The following SEC14L5 variants were observed in gnomAD, a reference collection of about 807,000 sequenced individuals.
The protein encoded by SEC14L5 is SEC14 like lipid binding 5, also known as SEC14-like protein 5.
A neutral mutation model predicts 84.6 loss-of-function variants in SEC14L5; 96 were observed. The observed-to-expected ratio is 1.13, with a 90% confidence interval of 0.96 to 1.34. The LOEUF (loss-of-function observed/expected upper bound fraction) is 1.34. Among genes scored for constraint, SEC14L5 ranks in the 40% most tolerant of loss-of-function variants. The pLI, the probability that SEC14L5 is intolerant of heterozygous loss-of-function variation, is 0.00. For missense variants in SEC14L5, 1,224 were observed against 942.5 expected (o/e 1.30, Z -3.91); for synonymous variants, 546 against 383.4 (o/e 1.42, Z -4.95).
chr16:4,965,505 C>CA (rs1955188061), intron 2 of SEC14L5, among the ~76,000 whole-genome samples: 1 of 150,752 alleles, frequency 6.6e-6, no homozygotes, highest in Admixed American at 6.6e-5. Flanking sequence ...ACTAAAAATA[C>CA]AAAAAATTAG....
At chr16:5,002,449 A>G (rs1295359594) in intron 10 of SEC14L5, among the ~76,000 whole-genome samples, 5 of 152,158 alleles carry the variant, frequency 3.3e-5, no homozygotes, top group Middle Eastern at 3.4e-3. Flanking sequence ...GGTGCCTGCC[A>G]CCACGCCTGG....
At chr16:5,007,567 A>G in intron 13 of SEC14L5, 81 bp downstream of exon 13, 1 of 1,006,210 alleles carries the variant, frequency 9.9e-7, no homozygotes, top group Non-Finnish European at 1.5e-6. Flanking sequence ...ACACAGCTTG[A>G]GATGAGGATT....
chr16:5,006,650 C>G (rs1036116221), intron 12 of SEC14L5, among the ~76,000 whole-genome samples: 4 of 152,206 alleles, frequency 2.6e-5, no homozygotes, highest in African/African-American at 7.2e-5. Context: ...AGACAGTGAG[C>G]TTGCGTCATT....
At chr16:4,988,330 G>A (rs1214528026) in intron 4 of SEC14L5, 50 bp downstream of exon 4, 1 of 1,595,842 alleles carries the variant, frequency 6.3e-7, no homozygotes. Context: ...ACCTGCGCCC[G>A]GCACCCACCT....
chr16:5,004,214 G>A (rs560376774), intron 11 of SEC14L5, among the ~76,000 whole-genome samples: 1 of 152,218 alleles, frequency 6.6e-6, no homozygotes, highest in South Asian at 2.1e-4. Flanking sequence ...AGTAGCAGGG[G>A]AGGGTGGGGG....
chr16:5,003,806 C>T (rs1018211151), intron 11 of SEC14L5, among the ~76,000 whole-genome samples: 4 of 152,220 alleles, frequency 2.6e-5, no homozygotes, highest in Non-Finnish European at 5.9e-5. Flanking sequence ...ACATTTCTGT[C>T]GCCCCAAAAA....
In SEC14L5 at chr16:5,010,208, AAAAAAAAAAG is replaced by A. The variant is rs1476103379; in HGVS notation, c.1801-886_1801-877del. The stretch of plus-strand genomic sequence containing the variant: ...AAATACAAAAAAAAAAAAAAAAAAA[AAAAAAAAAAG>A]CGAGGTGTGGTGGCGGGTGCCTGTA... On this transcript the variant is annotated intron_variant, in intron 14 of 15. Coordinates refer to ENST00000251170, the MANE Select transcript of SEC14L5 (RefSeq NM_014692.2). 1.6e-3 allele frequency among the ~76,000 whole-genome samples: 215 copies of A among 135,674 alleles called. 2 individuals carry two copies. The East Asian group carries it at 0.024, about 15-fold the overall frequency. 89.0% of individuals were successfully genotyped at this position (135,674 alleles called of 152,430 possible). A position where few individuals can be genotyped will look rare whatever the true frequency, so the allele number is the denominator to read the frequency against.
chr16:5,005,916 C>G lies in SEC14L5; in HGVS notation c.1305C>G (p.Ile435Met), dbSNP rs199591655. Residue 435 changes from isoleucine (I) to methionine (M), a missense_variant and splice_region_variant, in exon 12 of 16, where the codon ATC (isoleucine) becomes ATG (methionine). Coordinates refer to ENST00000251170, the MANE Select transcript of SEC14L5 (RefSeq NM_014692.2). ...CTTGCCTTATGTCCTGGTTTCAGAT[C>G]AGCCCCTTCATCAATGAGAACACCA... ...PRVFPVLWTLISPFINENTRR... is the reference protein window; with the variant it reads ...PRVFPVLWTLMSPFINENTRR... The G allele has an allele frequency of 2.6e-5, 40 of 1,551,038 alleles. No individual in the cohort carries two copies. Among genetic ancestry groups the G allele is most frequent in the Non-Finnish European group, 1.8e-6 (2 of 1,138,182 alleles).
At chr16:5,014,094 C>T (rs553091604) in intron 15 of SEC14L5, among the ~76,000 whole-genome samples, 3 of 152,204 alleles carry the variant, frequency 2.0e-5, no homozygotes, top group South Asian at 2.1e-4. Context: ...CCTATCTGGT[C>T]GCTGCTAGTC....
In SEC14L5 at chr16:5,017,119, C is replaced by G. The variant is rs1244000749; in HGVS notation, c.*2149C>G. The G allele has an allele frequency of 6.7e-6, 1 of 149,480 alleles. No homozygotes were observed. Among genetic ancestry groups the G allele is most frequent in the African/African-American group, 2.5e-5 (1 of 40,458 alleles). 9.3% of individuals were successfully genotyped at this position (149,480 alleles called of 1,614,324 possible). A position where few individuals can be genotyped will look rare whatever the true frequency, so the allele number is the denominator to read the frequency against. ...CAGTCTTTATACATTTATTGTCTAG[C>G]CCCAGAGAAGGACACAGAAGCCTTT... On this transcript the variant is annotated 3_prime_UTR_variant, in exon 16 of 16. Coordinates refer to ENST00000251170, the MANE Select transcript of SEC14L5 (RefSeq NM_014692.2).
intron 2 of SEC14L5, among the ~76,000 whole-genome samples, chr16:4,967,133 A>T (rs1380104692): frequency 1.3e-5 from 2 of 152,178 alleles, no homozygotes; most frequent in Non-Finnish European, 1.5e-5. Flanking sequence ...ACATAAGTTC[A>T]TTGCCTCACT....
At chr16:4,988,785 T>C (rs1955522900) in intron 4 of SEC14L5, among the ~76,000 whole-genome samples, 1 of 152,260 alleles carries the variant, frequency 6.6e-6, no homozygotes, top group Non-Finnish European at 1.5e-5. Context: ...AATTATTCTC[T>C]AGTATATACT....
At chr16:4,992,915 T>G (rs1955567226) in intron 6 of SEC14L5, among the ~76,000 whole-genome samples, 2 of 152,246 alleles carry the variant, frequency 1.3e-5, no homozygotes, top group African/African-American at 4.8e-5. Context: ...AACATATACA[T>G]TCCATTTGAT....
intron 6 of SEC14L5, among the ~76,000 whole-genome samples, chr16:4,996,110 C>T (rs1322336992): frequency 1.3e-5 from 2 of 152,138 alleles, no homozygotes; most frequent in Admixed American, 1.3e-4. Flanking sequence ...GGAGAAATCC[C>T]ATCTCACAGT....
At chr16:4,981,101 A>T (rs1444213868) in intron 2 of SEC14L5, among the ~76,000 whole-genome samples, 1 of 151,752 alleles carries the variant, frequency 6.6e-6, no homozygotes, top group African/African-American at 2.4e-5. Context: ...TCTCGGCATC[A>T]AGGCCCGTTC....
chr16:4,969,079 CT>C (rs1198637943), intron 2 of SEC14L5, among the ~76,000 whole-genome samples: 1 of 152,266 alleles, frequency 6.6e-6, no homozygotes, highest in East Asian at 1.9e-4. Flanking sequence ...AGCCTGTCAT[CT>C]GATCCTGTTG....
intron 2 of SEC14L5, among the ~76,000 whole-genome samples, chr16:4,971,703 A>C (rs900994380): frequency 6.6e-6 from 1 of 150,514 alleles, no homozygotes; most frequent in East Asian, 2.0e-4. Flanking sequence ...AGGTCCACTC[A>C]CTCTGAGACT....
intron 2 of SEC14L5, among the ~76,000 whole-genome samples, chr16:4,965,383 C>T (rs1955185440): frequency 1.3e-5 from 2 of 152,014 alleles, no homozygotes; most frequent in African/African-American, 4.8e-5. Flanking sequence ...TGTTGTTGGC[C>T]AGGCGCGGTG....
At chr16:4,959,926 C>G (rs368807264) in intron 2 of SEC14L5, among the ~76,000 whole-genome samples, 1 of 152,168 alleles carries the variant, frequency 6.6e-6, no homozygotes. Context: ...GACTCTAGAA[C>G]CTCACATTTG....
Sources: gnomAD v4.1 joint callset for allele counts (sites outside exome capture counted in the v4.1 genomes callset) on GRCh38, gnomAD v4.1.1 for gene constraint, MANE v1.5 for transcripts, NCBI Gene and HGNC (gene_info 2026-07-23, HGNC 2026-07-21) for gene names.